Variants in CAST observed in about 807,000 individuals in gnomAD.
CAST encodes the protein calpastatin, also known as MIR583 host.
CAST carries 76 observed loss-of-function variants against 119.6 expected under a neutral mutation model. The observed-to-expected ratio is 0.64, with a 90% CI of 0.53 to 0.77. CAST has a LOEUF of 0.77. Among genes scored for constraint, CAST ranks in the 30% least tolerant of loss-of-function variants. The probability of loss-of-function intolerance (pLI) is 0.00; values close to 1 mark genes in which losing one functional copy is unlikely to be tolerated. For missense variants in CAST, 953 were observed against 946.5 expected (o/e 1.01, Z -0.09); for synonymous variants, 319 against 331.6 (o/e 0.96, Z 0.41).
At chr5:96,053,620 A>C in the CAST span, among the ~76,000 whole-genome samples, 18 of 152,232 alleles carry the variant, frequency 1.2e-4, no homozygotes, top group African/African-American at 4.3e-4. Context: ...TGACATAAGC[A>C]ATCTTCTTGT....
chr5:96,423,213 T>C, the CAST span: 3 of 1,169,790 alleles, frequency 2.6e-6, no homozygotes, highest in South Asian at 3.9e-5. Flanking sequence ...TCCCAGGGAC[T>C]GACACCAGAG....
chr5:96,173,755 T>TC, the CAST span, among the ~76,000 whole-genome samples: 1 of 152,000 alleles, frequency 6.6e-6, no homozygotes, highest in Non-Finnish European at 1.5e-5. Flanking sequence ...TTTTTCTTTT[T>TC]TTTTTGTGAG....
the CAST span, among the ~76,000 whole-genome samples, chr5:96,384,415 C>T: frequency 6.6e-6 from 1 of 152,212 alleles, no homozygotes; most frequent in Non-Finnish European, 1.5e-5. Context: ...CTGTCCTTGA[C>T]AAATTGGAAC....
the CAST span, among the ~76,000 whole-genome samples, chr5:96,454,704 T>C: frequency 6.6e-6 from 1 of 152,228 alleles, no homozygotes; most frequent in African/African-American, 2.4e-5. Context: ...AATTCCTGTA[T>C]TTCTCAAGTG....
the CAST span, among the ~76,000 whole-genome samples, chr5:96,150,898 A>T: frequency 6.6e-6 from 1 of 152,186 alleles, no homozygotes; most frequent in Non-Finnish European, 1.5e-5. Context: ...GATTACAGTG[A>T]CATCTGACAA....
At chr5:96,171,092 T>C in the CAST span, among the ~76,000 whole-genome samples, 4 of 152,018 alleles carry the variant, frequency 2.6e-5, no homozygotes, top group Admixed American at 6.5e-5. Flanking sequence ...ATGAGCTGCA[T>C]TGGGAACAGA....
chr5:96,510,671 C>A, the CAST span, among the ~76,000 whole-genome samples: 1 of 152,128 alleles, frequency 6.6e-6, no homozygotes, highest in Non-Finnish European at 1.5e-5. Flanking sequence ...TTAATATGAA[C>A]TGTATATTAG....
the CAST span, among the ~76,000 whole-genome samples, chr5:96,292,527 G>A: frequency 2.6e-5 from 4 of 152,096 alleles, no homozygotes; most frequent in Non-Finnish European, 4.4e-5. Flanking sequence ...AATTGCCTCT[G>A]TTTTATCTAA....
intron 24 of CAST, among the ~76,000 whole-genome samples, chr5:96,760,422 TAA>T (rs759474027): frequency 1.3e-5 from 2 of 151,962 alleles, no homozygotes; most frequent in African/African-American, 2.4e-5. Flanking sequence ...CCTAATCTGT[TAA>T]AGAGTCTTTA....
the CAST span, among the ~76,000 whole-genome samples, chr5:96,125,146 C>G: frequency 6.6e-6 from 1 of 152,106 alleles, no homozygotes; most frequent in East Asian, 1.9e-4. Flanking sequence ...TATTCTAAGC[C>G]TGTTATTTAG....
the CAST span, among the ~76,000 whole-genome samples, chr5:96,161,791 A>G: frequency 6.6e-6 from 1 of 152,014 alleles, no homozygotes; most frequent in African/African-American, 2.4e-5. Context: ...AATTTCTTTC[A>G]ACAATGCATT....
chr5:96,458,894 G>A, the CAST span, among the ~76,000 whole-genome samples: 1 of 152,042 alleles, frequency 6.6e-6, no homozygotes, highest in Non-Finnish European at 1.5e-5. Context: ...CATAACGTGG[G>A]AGCGTATGAC....
At chr5:96,143,138 A>G in the CAST span, among the ~76,000 whole-genome samples, 3 of 152,386 alleles carry the variant, frequency 2.0e-5, no homozygotes, top group East Asian at 3.9e-4. Context: ...AGACAATTCA[A>G]TGACCATAAT....
At chr5:96,323,701 G>A in the CAST span, among the ~76,000 whole-genome samples, 1 of 152,078 alleles carries the variant, frequency 6.6e-6, no homozygotes, top group African/African-American at 2.4e-5. Flanking sequence ...GTTTTTAAGG[G>A]TTGTCATTGT....
chr5:96,432,039 A>G, the CAST span: 4 of 1,382,862 alleles, frequency 2.9e-6, no homozygotes, highest in Non-Finnish European at 4.0e-6. Flanking sequence ...CTTCACTTGG[A>G]CAGGCAACAA....
the CAST span, among the ~76,000 whole-genome samples, chr5:96,293,204 G>A: frequency 6.6e-6 from 1 of 152,172 alleles, no homozygotes; most frequent in East Asian, 1.9e-4. Flanking sequence ...CAGAAAATCT[G>A]TGGTTCTTAG....
At chr5:96,688,037 T>C (rs1752279545) in intron 2 of CAST, among the ~76,000 whole-genome samples, 1 of 152,326 alleles carries the variant, frequency 6.6e-6, no homozygotes, top group South Asian at 2.1e-4. Context: ...ATGTTAACCA[T>C]ATAGTTCAGG....
At chr5:96,512,687 AAC>A in the CAST span, among the ~76,000 whole-genome samples, 3 of 152,366 alleles carry the variant, frequency 2.0e-5, no homozygotes, top group East Asian at 5.8e-4. Flanking sequence ...ATTAACAAGA[AAC>A]ACAAAATGTG....
the CAST span, among the ~76,000 whole-genome samples, chr5:96,227,757 C>A: frequency 6.6e-6 from 1 of 152,174 alleles, no homozygotes; most frequent in South Asian, 2.1e-4. Flanking sequence ...TCAGTTTACC[C>A]AACTTCCACA....
Sources: gnomAD v4.1 joint callset for allele counts (sites outside exome capture counted in the v4.1 genomes callset) on GRCh38, gnomAD v4.1.1 for gene constraint, MANE v1.5 for transcripts, NCBI Gene and HGNC (gene_info 2026-07-23, HGNC 2026-07-21) for gene names.